UFD1: variants seen among roughly 807,000 people sequenced by gnomAD.
UFD1 encodes the protein ubiquitin recognition factor in ER associated degradation 1.
UFD1 carries 13 observed loss-of-function variants against 45.9 expected under a neutral mutation model. The ratio of observed to expected loss-of-function variants is 0.28; its 90% CI spans 0.18 to 0.45. The LOEUF is 0.45. Among genes scored for constraint, UFD1 ranks in the 20% least tolerant of loss-of-function variants. The pLI, the probability that UFD1 is intolerant of heterozygous loss-of-function variation, is 1.00. For missense variants in UFD1, 218 were observed against 389.2 expected (o/e 0.56, Z 3.70); for synonymous variants, 128 against 139.2 (o/e 0.92, Z 0.56).
chr22:19,479,158 G>C lies in UFD1; in HGVS notation c.-73C>G. On this transcript the variant is annotated 5_prime_UTR_variant, in exon 1 of 12. Transcript: ENST00000263202. The stretch of plus-strand genomic sequence containing the variant: ...AGAAACCCCGCCGACCGCTCTCCCA[G>C]CCGCCGCTGCCGCTGCCGCCGCGCC... 6.4e-7 allele frequency: 1 copy of C among 1,571,152 alleles called. No homozygotes were observed. The highest frequency in any genetic ancestry group is 8.6e-7 in the Non-Finnish European group (1 of 1,160,324).
Position 19,450,888 on chromosome 22 carries a change from C to T in UFD1, c.850-144G>A, listed in dbSNP as rs987606029. On this transcript the variant is annotated intron_variant, in intron 11 of 11. Transcript: ENST00000263202. ...CGATAGCTGACACCTGTAATCCCAGCACTTTAGGAGGCCTAGGTGGGAGGA... is the reference window on the plus strand; with the variant it reads ...CGATAGCTGACACCTGTAATCCCAGTACTTTAGGAGGCCTAGGTGGGAGGA... 59 of 1,496,238 alleles carry T rather than the reference C, an allele frequency of 3.9e-5. 1 individual carries two copies. In the Admixed American group the frequency reaches 1.2e-3, roughly 30 times the overall value. 92.7% of individuals were successfully genotyped at this position (1,496,238 alleles called of 1,614,324 possible). A position where few individuals can be genotyped will look rare whatever the true frequency, so the allele number is the denominator to read the frequency against.
At chr22:19,463,567 A>G (rs1014693876) in intron 6 of UFD1, among the ~76,000 whole-genome samples, 1 of 152,258 alleles carries the variant, frequency 6.6e-6, no homozygotes, top group Non-Finnish European at 1.5e-5. Context: ...AGACGTAACT[A>G]AACTGGAGTG....
At chr22:19,470,087 A>C (rs977988945) in intron 4 of UFD1, 4 of 501,652 alleles carry the variant, frequency 8.0e-6, no homozygotes, top group Non-Finnish European at 1.6e-5. Context: ...CCGGATGAGC[A>C]CAATGTGGCC....
chr22:19,467,375 A>G (rs961064137), intron 5 of UFD1: 1 of 156,400 alleles, frequency 6.4e-6, no homozygotes. Context: ...GAACAAAAAG[A>G]ATCCACTAGA....
intron 5 of UFD1, chr22:19,466,084 G>A (rs2089799637): frequency 6.6e-6 from 1 of 152,244 alleles, no homozygotes; most frequent in South Asian, 2.1e-4. Flanking sequence ...GGGTGAAAGG[G>A]TGAGGCTATC....
intron 7 of UFD1, 68 bp from the exon 8 acceptor site, chr22:19,456,986 TA>T: frequency 9.8e-7 from 1 of 1,025,170 alleles, no homozygotes; most frequent in Non-Finnish European, 1.5e-6. Flanking sequence ...TTTTTGTTTT[TA>T]ATTGAGACAA....
chr22:19,453,379 A>G, intron 11 of UFD1: 4 of 985,424 alleles, frequency 4.1e-6, no homozygotes, highest in Non-Finnish European at 4.8e-6. Flanking sequence ...ATAGAGCTAA[A>G]TATGTCTTCA....
At chr22:19,469,699 A>T (rs1345590370) in intron 4 of UFD1, among the ~76,000 whole-genome samples, 1 of 152,192 alleles carries the variant, frequency 6.6e-6, no homozygotes, top group African/African-American at 2.4e-5. Flanking sequence ...CCAGCCCAGA[A>T]AAAGCACTGG....
At chr22:19,462,038 C>A (rs1432281761) in intron 6 of UFD1, among the ~76,000 whole-genome samples, 1 of 152,044 alleles carries the variant, frequency 6.6e-6, no homozygotes, top group Non-Finnish European at 1.5e-5. Flanking sequence ...CTTGCTTTAT[C>A]ACCTAGGCTA....
chr22:19,475,434 G>A, intron 2 of UFD1, 36 bp downstream of exon 2: 1 of 1,612,108 alleles, frequency 6.2e-7, no homozygotes. Flanking sequence ...ACTTAGGGCA[G>A]GAAAAGTTAC....
chr22:19,451,475 A>G (rs566063133), intron 11 of UFD1: 2 of 985,426 alleles, frequency 2.0e-6, no homozygotes, highest in African/African-American at 3.5e-5. Flanking sequence ...CCACTAAGCT[A>G]TCCTTCCATC....
At position 19,467,952 on chromosome 22, in the gene UFD1, C is replaced by T. The variant is rs1238553199; in HGVS notation, c.343G>A (p.Val115Ile). ...EEGGLVQVES[V>I]NLQVATYSKF... ...GAGTAGGTGGCCACTTGAAGGTTGACGCTCTCCACCTGGACCAGGCCGCCT... is the reference window on the plus strand; with the variant it reads ...GAGTAGGTGGCCACTTGAAGGTTGATGCTCTCCACCTGGACCAGGCCGCCT... Residue 115 changes from valine to isoleucine, a missense_variant, in exon 5 of 12, where the codon GTC becomes ATC. Val to Ile is a conservative substitution (Grantham distance 29, BLOSUM62 3). Coordinates refer to ENST00000263202, the MANE Select transcript of UFD1 (RefSeq NM_005659.7). 8.1e-6 allele frequency: 13 copies of T among 1,613,998 alleles called. No individual in the cohort carries two copies. The highest frequency in any genetic ancestry group is 1.7e-5 in the Admixed American group (1 of 59,994).
At chr22:19,452,095 G>T (rs2089687521) in intron 11 of UFD1, 2 of 290,542 alleles carry the variant, frequency 6.9e-6, no homozygotes, top group Non-Finnish European at 1.0e-5. Flanking sequence ...AGTCTGCTAG[G>T]GCTGCCATAT....
At chr22:19,471,390 A>G (rs1265716805) in intron 4 of UFD1, 1 of 654,440 alleles carries the variant, frequency 1.5e-6, no homozygotes, top group Admixed American at 1.8e-5. Flanking sequence ...CTGTTGCTCC[A>G]TTATTTTTAA....
At chr22:19,471,560 G>T in intron 4 of UFD1, 127 bp downstream of exon 4, 1 of 1,377,128 alleles carries the variant, frequency 7.3e-7, no homozygotes, top group South Asian at 1.3e-5. Flanking sequence ...TCGCTGGGTC[G>T]GCTCAGGCTA....
chr22:19,453,513 G>A (rs1281615892), intron 11 of UFD1: 92 of 985,358 alleles, frequency 9.3e-5, no homozygotes, highest in Non-Finnish European at 1.1e-4. Context: ...CCTGGGGGAC[G>A]TCCCATGCTA....
At chr22:19,463,123 A>G (rs2089778851) in intron 6 of UFD1, among the ~76,000 whole-genome samples, 1 of 152,208 alleles carries the variant, frequency 6.6e-6, no homozygotes, top group Non-Finnish European at 1.5e-5. Flanking sequence ...TGATGGGCTG[A>G]CCACCAATTC....
intron 1 of UFD1, among the ~76,000 whole-genome samples, chr22:19,477,659 TAAG>T (rs1162365084): frequency 6.6e-6 from 1 of 150,798 alleles, no homozygotes; most frequent in African/African-American, 2.5e-5. Context: ...GAAAAACGGT[TAAG>T]ATGATAAAAA....
intron 9 of UFD1, 22 bp from the exon 10 acceptor site, chr22:19,455,790 C>G: frequency 6.2e-7 from 1 of 1,610,516 alleles, no homozygotes; most frequent in Non-Finnish European, 8.5e-7. Context: ...GTAGGTGAGT[C>G]ATATAATAAG....
Sources: allele counts gnomAD v4.1 joint callset (sites outside exome capture counted in the v4.1 genomes callset), GRCh38; gene constraint gnomAD v4.1.1; transcripts MANE v1.5; gene names NCBI Gene and HGNC (gene_info 2026-07-23, HGNC 2026-07-21).